RIN2: variants seen among roughly 807,000 people sequenced by gnomAD.
RIN2 encodes RAB5 interacting protein 2.
A neutral mutation model predicts 78.0 loss-of-function variants in RIN2; 36 were observed. The observed-to-expected ratio is 0.46, with a 90% confidence interval of 0.35 to 0.61. RIN2 has a LOEUF of 0.61. Ranked by LOEUF, RIN2 falls within the 20% of genes least tolerant of loss-of-function variation. RIN2 has a pLI of 0.00. For missense variants in RIN2, 1,087 were observed against 1,159.7 expected, an observed-to-expected ratio of 0.94 and a Z score of 0.91; for synonymous variants, 466 against 466.8, an observed-to-expected ratio of 1.00 and a Z score of 0.02.
At position 20,001,738 on chromosome 20, in the gene RIN2, A is replaced by G. The variant is rs750401183; in HGVS notation, c.*802A>G. ...TTTTGCTGTTTTGTTTTTTAAACAA[A>G]TGATGCTGAGAATAAGGAGAGAAAT... On this transcript the variant is annotated 3_prime_UTR_variant, in exon 13 of 13. Transcript: ENST00000255006. The G allele has an allele frequency of 5.2e-5, 8 of 152,612 alleles. No homozygotes were observed. The highest frequency in any genetic ancestry group is 1.0e-4 in the Non-Finnish European group (7 of 68,052). The allele number at this position is 152,612 out of a possible 1,614,324, so 9.5% of individuals were successfully genotyped here.
intron 3 of RIN2, among the ~76,000 whole-genome samples, chr20:19,899,843 A>G (rs1404153093): frequency 3.3e-5 from 5 of 152,208 alleles, no homozygotes; most frequent in African/African-American, 1.2e-4. Flanking sequence ...GTTAGAAGCC[A>G]GTCAATAAGT....
Position 19,909,567 on chromosome 20 carries a change from C to G in RIN2, c.57+19909C>G, listed in dbSNP as rs149380875. Among the ~76,000 whole-genome samples the G allele has an allele frequency of 6.2e-4, 95 of 152,322 alleles. 1 individual carries two copies. Among genetic ancestry groups the G allele is most frequent in the Non-Finnish European group, 1.0e-3 (70 of 68,028 alleles). On this transcript the variant is annotated intron_variant, in intron 3 of 12. Transcript: ENST00000255006. ...CCCGGCACACACTCTGCACCCTACT[C>G]CCCGCTGGCATGGGATGATTTGGGT... is the stretch of plus-strand genomic sequence containing the variant.
chr20:19,950,452 AT>A (rs2146206513), intron 4 of RIN2, among the ~76,000 whole-genome samples: 1 of 152,334 alleles, frequency 6.6e-6, no homozygotes, highest in South Asian at 2.1e-4. Context: ...AATTTCAAAC[AT>A]TATGGAAAAG....
intron 4 of RIN2, among the ~76,000 whole-genome samples, chr20:19,950,664 C>T (rs1191281880): frequency 6.6e-6 from 1 of 151,914 alleles, no homozygotes; most frequent in Non-Finnish European, 1.5e-5. Flanking sequence ...AAGCATTTTT[C>T]CTTTGTAAGC....
intron 4 of RIN2, among the ~76,000 whole-genome samples, chr20:19,943,975 CTT>C (rs58524523): frequency 0.022 from 2,102 of 95,762 alleles, 52 homozygotes; most frequent in African/African-American, 0.082. Context: ...TTTCAATATC[CTT>C]TTTTTTTTTT....
intron 2 of RIN2, among the ~76,000 whole-genome samples, chr20:19,879,521 G>A (rs570042127): frequency 1.3e-5 from 2 of 152,318 alleles, no homozygotes; most frequent in Admixed American, 6.5e-5. Flanking sequence ...TTCTTCAGAG[G>A]AGGCTATCTG....
intron 1 of RIN2, among the ~76,000 whole-genome samples, chr20:19,787,983 A>C (rs2034737934): frequency 6.6e-6 from 1 of 152,198 alleles, no homozygotes; most frequent in African/African-American, 2.4e-5. Context: ...ACCCCTCCCT[A>C]ACTTGTATTT....
Position 19,996,796 on chromosome 20 carries a change from A to G in RIN2, c.2318A>G (p.Lys773Arg), listed in dbSNP as rs1458861172. 1 of 1,609,604 alleles carries G rather than the reference A, an allele frequency of 6.2e-7. No homozygotes were observed. Among genetic ancestry groups the G allele is most frequent in the Non-Finnish European group, 8.5e-7 (1 of 1,177,890 alleles). ...ETRDTLRQWH[K>R]RRTTNRTIPS... ...AGAGACACCCTGAGGCAGTGGCACAAACGGAGAACCACCAACCGGACCATC... is the reference window on the plus strand; with the variant it reads ...AGAGACACCCTGAGGCAGTGGCACAGACGGAGAACCACCAACCGGACCATC... The change falls in exon 12 of 13, where the codon AAA becomes AGA. Residue 773 changes from lysine (K) to arginine (R), a missense_variant. By Grantham distance (26) the Lys-to-Arg change is conservative. Coordinates refer to ENST00000255006, the MANE Select transcript of RIN2 (RefSeq NM_018993.4).
chr20:19,908,828 G>GA (rs1193248228), intron 3 of RIN2, among the ~76,000 whole-genome samples: 1 of 152,130 alleles, frequency 6.6e-6, no homozygotes, highest in Non-Finnish European at 1.5e-5. Flanking sequence ...GTGGGCAATG[G>GA]AAAAAATACA....
chr20:19,865,477 A>G (rs1389215507), intron 2 of RIN2, among the ~76,000 whole-genome samples: 11 of 143,946 alleles, frequency 7.6e-5, no homozygotes, highest in Non-Finnish European at 1.5e-5. Context: ...TTTAAAAGTT[A>G]TACTTTCTTT....
chr20:19,997,713 C>T (rs1443343428), intron 12 of RIN2, among the ~76,000 whole-genome samples: 1 of 151,906 alleles, frequency 6.6e-6, no homozygotes, highest in Non-Finnish European at 1.5e-5. Flanking sequence ...GAGCCGAGAT[C>T]ACGCCACTGC....
At position 19,889,658 on chromosome 20, in the gene RIN2, G is replaced by T; in HGVS notation, c.57G>T (p.Lys19Asn). The change falls in exon 3 of 13, where the codon AAG (lysine) becomes AAT (asparagine). Residue 19 changes from lysine to asparagine, a missense_variant and splice_region_variant. Physicochemically the swap from Lys to Asn is moderately conservative, Grantham distance 94. Transcript: ENST00000255006. ...RGLDKRGSFF[K>N]LIDTIASEIG... Reference sequence around the variant, plus strand: ...TGGACAAGCGAGGAAGTTTCTTTAAGGTAAAAGGAAGCCTTGATTGGGATC... The same window carrying T: ...TGGACAAGCGAGGAAGTTTCTTTAATGTAAAAGGAAGCCTTGATTGGGATC... 3 of 1,501,956 alleles carry T rather than the reference G, an allele frequency of 2.0e-6. No individual in the cohort carries two copies. Among genetic ancestry groups the T allele is most frequent in the South Asian group, 1.3e-5 (1 of 77,080 alleles). 93.0% of individuals were successfully genotyped at this position (1,501,956 alleles called of 1,614,324 possible).
chr20:19,880,244 C>T (rs1327221633), intron 2 of RIN2, among the ~76,000 whole-genome samples: 1 of 120,074 alleles, frequency 8.3e-6, no homozygotes, highest in African/African-American at 3.4e-5. Flanking sequence ...GAGTGAGACT[C>T]TGTCTTAAAA....
chr20:19,871,772 T>C (rs945567747), intron 2 of RIN2: 3 of 152,218 alleles, frequency 2.0e-5, no homozygotes, highest in East Asian at 1.9e-4. Flanking sequence ...TAAGGAATCA[T>C]AGGCAGGAAC....
intron 1 of RIN2, among the ~76,000 whole-genome samples, chr20:19,759,437 AAC>A (rs1395822492): frequency 2.0e-5 from 3 of 152,246 alleles, no homozygotes; most frequent in East Asian, 3.8e-4. Flanking sequence ...GGAAAAAAGA[AAC>A]ACACAGGGCA....
At chr20:19,796,117 AG>A (rs2035048490) in intron 1 of RIN2, among the ~76,000 whole-genome samples, 1 of 152,162 alleles carries the variant, frequency 6.6e-6, no homozygotes. Context: ...AAAGTAGGTT[AG>A]GGCAAAGTGT....
chr20:19,881,060 A>T (rs922308550), intron 2 of RIN2, among the ~76,000 whole-genome samples: 15 of 152,230 alleles, frequency 9.9e-5, no homozygotes, highest in Non-Finnish European at 1.2e-4. Context: ...CTAGTTTCTT[A>T]CTTTTGCTAT....
At chr20:19,948,959 C>T (rs2041206134) in intron 4 of RIN2, among the ~76,000 whole-genome samples, 1 of 151,306 alleles carries the variant, frequency 6.6e-6, no homozygotes, top group Non-Finnish European at 1.5e-5. Flanking sequence ...CAGGCCACTG[C>T]ACCAGGCCGT....
chr20:19,813,447 AG>A (rs1478453309), intron 2 of RIN2, among the ~76,000 whole-genome samples: 1 of 152,218 alleles, frequency 6.6e-6, no homozygotes, highest in Non-Finnish European at 1.5e-5. Context: ...ATACTATGTG[AG>A]GCTAGTGGGG....
Sources: allele counts gnomAD v4.1 joint callset (sites outside exome capture counted in the v4.1 genomes callset), GRCh38; gene constraint gnomAD v4.1.1; transcripts MANE v1.5; gene names NCBI Gene and HGNC (gene_info 2026-07-23, HGNC 2026-07-21).